Variants in CACNA2D2 observed in about 807,000 individuals in gnomAD.
CACNA2D2 encodes calcium voltage-gated channel auxiliary subunit alpha2delta 2.
Under a neutral mutation model 166.4 loss-of-function variants are expected in CACNA2D2, and 48 were observed. The ratio of observed to expected loss-of-function variants is 0.29; its 90% CI spans 0.23 to 0.37. The LOEUF is 0.37. CACNA2D2 is among the 10% of genes least tolerant of loss of function. CACNA2D2 has a pLI of 1.00. For synonymous variants in CACNA2D2, 561 were observed against 573.7 expected (o/e 0.98, Z 0.32); for missense variants, 1,122 against 1,433.0 (o/e 0.78, Z 3.50).
chr3:50,459,318 C>G (rs972469349), intron 2 of CACNA2D2, among the ~76,000 whole-genome samples: 8 of 152,288 alleles, frequency 5.3e-5, no homozygotes, highest in Admixed American at 5.2e-4. Flanking sequence ...GCCCCCCTCA[C>G]TCAGTCACAA....
At chr3:50,470,208 T>G (rs1188630955) in intron 2 of CACNA2D2, among the ~76,000 whole-genome samples, 2 of 152,172 alleles carry the variant, frequency 1.3e-5, no homozygotes, top group Non-Finnish European at 1.5e-5. Flanking sequence ...ATCTCTACCT[T>G]GTCTAGGCTG....
At position 50,379,374 on chromosome 3, in the gene CACNA2D2, C is replaced by T; in HGVS notation, c.1152+58G>A. 1 of 1,591,812 alleles carries T rather than the reference C, an allele frequency of 6.3e-7. No individual in the cohort carries two copies. On this transcript the variant is annotated intron_variant, in intron 11 of 37. Transcript: ENST00000424201. This position sits in a 1 kb window ranked among gnomAD's most constrained non-coding sequence, Gnocchi z 6.5. ...GCCATCCGTCTTGATTTCCTGGGTACACCAAGCCAGGGCCCTCTACTCCCC... is the reference window on the plus strand; with the variant it reads ...GCCATCCGTCTTGATTTCCTGGGTATACCAAGCCAGGGCCCTCTACTCCCC...
rs13072050 is a variant in CACNA2D2, at chr3:50,427,586, G to A, written c.405+6727C>T. 5.5e-3 allele frequency among the ~76,000 whole-genome samples: 833 copies of A among 152,336 alleles called. 1 individual carries two copies. The highest frequency in any genetic ancestry group is 0.017 in the Middle Eastern group (5 of 294). On this transcript the variant is annotated intron_variant, in intron 3 of 37. Coordinates refer to ENST00000424201, the MANE Select transcript of CACNA2D2 (RefSeq NM_006030.4). The surrounding 1 kb of genome is among the most constrained non-coding windows in gnomAD (Gnocchi z 4.7). Reference sequence around the variant, plus strand: ...TAATGGAGGGGAGGCAGAAGCCATCGCCAGCCCCACATAAACACCTTTTAA... The same window carrying A: ...TAATGGAGGGGAGGCAGAAGCCATCACCAGCCCCACATAAACACCTTTTAA...
chr3:50,494,551 C>G (rs2107171169), intron 1 of CACNA2D2, among the ~76,000 whole-genome samples: 1 of 152,336 alleles, frequency 6.6e-6, no homozygotes, highest in East Asian at 1.9e-4. Context: ...ACAGGGACAT[C>G]AGAGTTTGCC....
chr3:50,497,910 T>C (rs763656086), intron 1 of CACNA2D2, among the ~76,000 whole-genome samples: 4 of 151,796 alleles, frequency 2.6e-5, no homozygotes, highest in South Asian at 2.1e-4. Flanking sequence ...GTTTAGACAG[T>C]AGGCACCAGA....
In CACNA2D2 at chr3:50,483,891, C is replaced by T. The variant is rs139904238; in HGVS notation, c.207-7692G>A. ...TCTGCATAGCAGCCAGATCACTATC[C>T]GCAATCCTCAGAGGGAAACCGAGGC... On this transcript the variant is annotated intron_variant, in intron 1 of 37. Transcript: ENST00000424201. Among the ~76,000 whole-genome samples, 76 of 152,278 alleles carry T rather than the reference C, an allele frequency of 5.0e-4. No homozygotes were observed. In the East Asian group the frequency reaches 0.011, roughly 22 times the overall value.
At position 50,364,792 on chromosome 3, in the gene CACNA2D2, G is replaced by A. The variant is rs1052703980; in HGVS notation, c.3306C>T (p.Asp1102=). The A allele has an allele frequency of 2.5e-6, 4 of 1,608,492 alleles. No homozygotes were observed. The highest frequency in any genetic ancestry group is 1.7e-5 in the Admixed American group (1 of 59,484). Residue 1102 remains aspartate, a synonymous_variant, in exon 38 of 38, where the codon GAC becomes GAT. Coordinates refer to ENST00000424201, the MANE Select transcript of CACNA2D2 (RefSeq NM_006030.4). ...GCGGGAAGGAGGCCCCGCGGCCACAGTCTGAGGTATCTTCCTGCGGGGAGA... is the reference window on the plus strand; with the variant it reads ...GCGGGAAGGAGGCCCCGCGGCCACAATCTGAGGTATCTTCCTGCGGGGAGA... The part of the protein sequence containing the change: ...FDYNATEDTS[D]CGRGASFPPS...
chr3:50,432,019 T>G (rs1241599975), intron 3 of CACNA2D2, among the ~76,000 whole-genome samples: 6 of 121,292 alleles, frequency 4.9e-5, no homozygotes, highest in African/African-American at 1.0e-4. Flanking sequence ...GAAAAGAAAA[T>G]AATTTCTGTT....
Position 50,476,194 on chromosome 3 carries a change from T to C in CACNA2D2, c.212A>G (p.Gln71Arg). ...AYSFPQQHTM[Q>R]HWARRLEQEV... ...CTGCTCCAGACGCCGGGCCCAGTGC[T>C]GCATCCTGTATGCAGAGAGAGGAGA... The change falls in exon 2 of 38, where the codon CAG becomes CGG. Residue 71 changes from glutamine to arginine, a missense_variant. This residue lies in a region of CACNA2D2 where 840 missense variants were observed against 1,166.8 expected (regional missense o/e 0.72). Transcript: ENST00000424201. 3 of 1,588,900 alleles carry C rather than the reference T, an allele frequency of 1.9e-6. No homozygotes were observed. The highest frequency in any genetic ancestry group is 2.6e-6 in the Non-Finnish European group (3 of 1,168,580).
Position 50,387,554 on chromosome 3 carries a change from G to A in CACNA2D2, c.510+14C>T. ...GGCCCAGCAAGGAGGTGTGGCTCAG[G>A]AGGGGGTGCTCACCAGCTCAGCGTC... On this transcript the variant is annotated intron_variant, in intron 5 of 37. Coordinates refer to ENST00000424201, the MANE Select transcript of CACNA2D2 (RefSeq NM_006030.4). 1 of 1,612,460 alleles carries A rather than the reference G, an allele frequency of 6.2e-7. No homozygotes were observed. The highest frequency in any genetic ancestry group is 8.5e-7 in the Non-Finnish European group (1 of 1,178,554).
At chr3:50,450,902 T>C (rs56258146) in intron 2 of CACNA2D2, among the ~76,000 whole-genome samples, 13,365 of 152,142 alleles carry the variant, frequency 0.088, 1,784 homozygotes, top group African/African-American at 0.29. Flanking sequence ...CCTGTGCCAG[T>C]CCTGGACATG....
intron 1 of CACNA2D2, among the ~76,000 whole-genome samples, chr3:50,482,533 A>C (rs1157068129): frequency 6.6e-6 from 1 of 152,242 alleles, no homozygotes; most frequent in Admixed American, 6.5e-5. Context: ...AGCTAAGTGG[A>C]AACCACAGCC....
At chr3:50,440,043 T>C (rs1336430084) in intron 2 of CACNA2D2, among the ~76,000 whole-genome samples, 1 of 152,206 alleles carries the variant, frequency 6.6e-6, no homozygotes, top group Non-Finnish European at 1.5e-5. Flanking sequence ...CTGGGGACCC[T>C]CTACCACTGA....
rs759413598 is a variant in CACNA2D2 at position 50,367,722 on chromosome 3, G to T, written c.2235-18C>A. The T allele has an allele frequency of 6.2e-7, 1 of 1,612,324 alleles. No homozygotes were observed. Among genetic ancestry groups the T allele is most frequent in the Non-Finnish European group, 8.5e-7 (1 of 1,178,924 alleles). ...GGCTGTACCTGGGGGTAGCAGGGGG[G>T]TGGGGTCACAGGCCTGCCTTCTGCT... On this transcript the variant is annotated intron_variant, in intron 25 of 37. Coordinates refer to ENST00000424201, the MANE Select transcript of CACNA2D2 (RefSeq NM_006030.4). The surrounding 1 kb of genome is among the most constrained non-coding windows in gnomAD (Gnocchi z 6.5).
At chr3:50,472,557 C>T (rs1465000068) in intron 2 of CACNA2D2, among the ~76,000 whole-genome samples, 1 of 152,082 alleles carries the variant, frequency 6.6e-6, no homozygotes, top group African/African-American at 2.4e-5. Flanking sequence ...GTCAGGAATG[C>T]ATCCCGGGGC....
intron 1 of CACNA2D2, among the ~76,000 whole-genome samples, chr3:50,494,403 C>A (rs1323581022): frequency 2.0e-5 from 3 of 152,126 alleles, no homozygotes. Flanking sequence ...TGAAATGCCA[C>A]GTCAGGCTGG....
In CACNA2D2 at chr3:50,376,314, G is replaced by GC. The variant is rs587638444; in HGVS notation, c.1627-127dup. The GC allele has an allele frequency of 2.6e-5, 26 of 983,940 alleles. No homozygotes were observed. The highest frequency in any genetic ancestry group is 1.5e-4 in the South Asian group (10 of 65,930). The allele number at this position is 983,940 out of a possible 1,614,324, so 61.0% of individuals were successfully genotyped here. A position where few individuals can be genotyped will look rare whatever the true frequency, so the allele number is the denominator to read the frequency against. On this transcript the variant is annotated intron_variant, in intron 17 of 37. Transcript: ENST00000424201. The surrounding 1 kb of genome is among the most constrained non-coding windows in gnomAD (Gnocchi z 4.3). ...TCTGTTTGCCTGCCTTGGGCTAAGGGCCCCCCCATGCCACGTGGCCCTAAG... is the reference window on the plus strand; with the variant it reads ...TCTGTTTGCCTGCCTTGGGCTAAGGGCCCCCCCCATGCCACGTGGCCCTAAG...
At chr3:50,496,386 C>A (rs957513126) in intron 1 of CACNA2D2, among the ~76,000 whole-genome samples, 1 of 152,236 alleles carries the variant, frequency 6.6e-6, no homozygotes, top group Non-Finnish European at 1.5e-5. Context: ...GATGTGAACA[C>A]GTCTGACACA....
intron 17 of CACNA2D2, 25 bp downstream of exon 17, chr3:50,377,442 C>T (rs145152781): frequency 3.9e-5 from 63 of 1,597,956 alleles, no homozygotes; most frequent in African/African-American, 5.4e-5. Context: ...AGGCAGGGTA[C>T]GCGGATGGGC....
Sources: allele counts gnomAD v4.1 joint callset (sites outside exome capture counted in the v4.1 genomes callset), GRCh38; gene constraint gnomAD v4.1.1; regional missense constraint gnomAD v4.1.1; non-coding constraint Gnocchi (gnomAD v3.1); transcripts MANE v1.5; gene names NCBI Gene and HGNC (gene_info 2026-07-23, HGNC 2026-07-21).